Variants in PCDH7 observed in about 807,000 individuals in gnomAD.
The protein encoded by PCDH7 is protocadherin-7.
Under a neutral mutation model 58.9 loss-of-function variants are expected in PCDH7, and 17 were observed. The observed-to-expected ratio is 0.29, with a 90% confidence interval of 0.20 to 0.43. The LOEUF is 0.43. Ranked by LOEUF, PCDH7 falls within the 20% of genes least tolerant of loss-of-function variation. The probability of loss-of-function intolerance (pLI) is 1.00; values close to 1 mark genes in which losing one functional copy is unlikely to be tolerated. For missense variants in PCDH7, 1,274 were observed against 1,441.0 expected (o/e 0.88, Z 1.88); for synonymous variants, 664 against 616.4 (o/e 1.08, Z -1.14).
At chr4:30,882,058 C>T (rs1484342070) in intron 1 of PCDH7, among the ~76,000 whole-genome samples, 1 of 151,614 alleles carries the variant, frequency 6.6e-6, no homozygotes, top group African/African-American at 2.4e-5. Flanking sequence ...CTTCCTCCTC[C>T]TCTTCCTACC....
At chr4:31,144,250 A>G (rs1030125012), downstream of PCDH7, 3 of 152,214 alleles carry the variant, frequency 2.0e-5, no homozygotes, top group African/African-American at 7.2e-5. Context: ...ATGTGATTTG[A>G]ACATTATTTA....
intron 3 of PCDH7, among the ~76,000 whole-genome samples, chr4:31,001,287 A>T (rs773666733): frequency 3.9e-5 from 6 of 152,112 alleles, no homozygotes; most frequent in Non-Finnish European, 7.4e-5. Context: ...TTTTGTAGGT[A>T]TGAGTGCTGA....
chr4:31,125,529 T>C (rs1302370184), intron 3 of PCDH7, among the ~76,000 whole-genome samples: 1 of 152,240 alleles, frequency 6.6e-6, no homozygotes, highest in Non-Finnish European at 1.5e-5. Context: ...ATATGATTTT[T>C]GGACTTTATG....
At chr4:30,856,099 T>C (rs1330024814) in intron 1 of PCDH7, among the ~76,000 whole-genome samples, 2 of 152,094 alleles carry the variant, frequency 1.3e-5, no homozygotes, top group African/African-American at 4.8e-5. Flanking sequence ...GAGTTCTATG[T>C]CAGTTTTAAA....
At chr4:30,933,983 G>A (rs891706805) in intron 2 of PCDH7, among the ~76,000 whole-genome samples, 2 of 152,258 alleles carry the variant, frequency 1.3e-5, no homozygotes, top group Admixed American at 6.5e-5. Context: ...GTGTTCACAC[G>A]GAACCATATT....
intron 1 of PCDH7, among the ~76,000 whole-genome samples, chr4:30,753,814 AT>A (rs1482148235): frequency 2.0e-5 from 3 of 152,200 alleles, no homozygotes; most frequent in African/African-American, 7.2e-5. Flanking sequence ...TCCCAAAAAA[AT>A]AATTACCAGT....
intron 3 of PCDH7, among the ~76,000 whole-genome samples, chr4:31,141,921 A>G (rs1013883884): frequency 6.6e-6 from 1 of 152,132 alleles, no homozygotes; most frequent in African/African-American, 2.4e-5. Flanking sequence ...TTTACCACAT[A>G]ATGTGCTGTC....
At chr4:31,075,022 G>A (rs1758868719) in intron 3 of PCDH7, among the ~76,000 whole-genome samples, 1 of 151,964 alleles carries the variant, frequency 6.6e-6, no homozygotes. Context: ...GACTTTGAAA[G>A]GGAGCCTGCA....
Position 30,960,112 on chromosome 4 carries a change from G to GGGAAGGAAGGAA in PCDH7, c.*7+9928_*7+9939dup, listed in dbSNP as rs796354089. 1.3e-3 allele frequency among the ~76,000 whole-genome samples: 84 copies of GGGAAGGAAGGAA among 65,784 alleles called. 3 individuals carry two copies. The highest frequency in any genetic ancestry group is 6.1e-3 in the East Asian group (11 of 1,816). 43.2% of individuals were successfully genotyped at this position (65,784 alleles called of 152,430 possible). A position where few individuals can be genotyped will look rare whatever the true frequency, so the allele number is the denominator to read the frequency against. ...AAGGAAGGAAGGAAGAAAGGAAGGA[G>GGGAAGGAAGGAA]GGAAGGAAGGAAGGAAGGAAGGAAG... On this transcript the variant is annotated intron_variant, in intron 3 of 3. Coordinates refer to the PCDH7 transcript ENST00000509759.
chr4:30,996,961 T>C (rs753070010), intron 3 of PCDH7, among the ~76,000 whole-genome samples: 1 of 152,212 alleles, frequency 6.6e-6, no homozygotes, highest in African/African-American at 2.4e-5. Flanking sequence ...GAAAACTGCC[T>C]ATTTACTCTG....
intron 1 of PCDH7, among the ~76,000 whole-genome samples, chr4:30,839,206 A>G (rs1316517085): frequency 3.3e-5 from 5 of 151,998 alleles, no homozygotes; most frequent in Non-Finnish European, 7.4e-5. Flanking sequence ...TACATAACCA[A>G]TTAATAATTA....
chr4:30,871,668 C>A (rs749859073), intron 1 of PCDH7, among the ~76,000 whole-genome samples: 16 of 152,080 alleles, frequency 1.1e-4, no homozygotes, highest in Admixed American at 2.0e-4. Context: ...ACCCTGAATT[C>A]ATTGTATTTC....
chr4:31,119,661 G>A (rs932438900), intron 3 of PCDH7, among the ~76,000 whole-genome samples: 1 of 152,024 alleles, frequency 6.6e-6, no homozygotes, highest in Non-Finnish European at 1.5e-5. Context: ...TTTATATGTC[G>A]GCATTCTTAT....
At chr4:30,973,470 A>G (rs1247655322) in intron 3 of PCDH7, among the ~76,000 whole-genome samples, 1 of 152,240 alleles carries the variant, frequency 6.6e-6, no homozygotes, top group Non-Finnish European at 1.5e-5. Context: ...AGACTACCAC[A>G]TTAGAATTTT....
At chr4:30,961,316 G>A (rs544337918) in intron 3 of PCDH7, among the ~76,000 whole-genome samples, 6 of 151,872 alleles carry the variant, frequency 4.0e-5, no homozygotes, top group Non-Finnish European at 5.9e-5. Flanking sequence ...AGGCCGAGGC[G>A]GGTGGATCAT....
At chr4:30,892,803 T>C (rs1404453314) in intron 1 of PCDH7, among the ~76,000 whole-genome samples, 3 of 152,074 alleles carry the variant, frequency 2.0e-5, no homozygotes, top group Admixed American at 1.3e-4. Flanking sequence ...ATAATTGTAT[T>C]CTCTTTCCCA....
At chr4:31,011,271 G>A (rs540188848) in intron 3 of PCDH7, among the ~76,000 whole-genome samples, 10 of 152,142 alleles carry the variant, frequency 6.6e-5, no homozygotes, top group Non-Finnish European at 1.5e-4. Flanking sequence ...AGATATTAAA[G>A]TACTGTGCCG....
intron 3 of PCDH7, among the ~76,000 whole-genome samples, chr4:31,115,779 C>T (rs970904790): frequency 6.6e-6 from 1 of 152,176 alleles, no homozygotes; most frequent in African/African-American, 2.4e-5. Flanking sequence ...GTAATTGGAT[C>T]TCACACAACA....
chr4:30,758,448 A>C (rs1312864738), intron 1 of PCDH7, among the ~76,000 whole-genome samples: 2 of 152,228 alleles, frequency 1.3e-5, no homozygotes, highest in Non-Finnish European at 2.9e-5. Context: ...AATTTAAAAC[A>C]TTTATCTTAC....
Sources: allele counts gnomAD v4.1 joint callset (sites outside exome capture counted in the v4.1 genomes callset), GRCh38; gene constraint gnomAD v4.1.1; transcripts MANE v1.5; gene names NCBI Gene and HGNC (gene_info 2026-07-23, HGNC 2026-07-21).